The following PFKFB3 variants were observed in gnomAD, a reference collection of about 807,000 sequenced individuals.
PFKFB3 encodes 6-phosphofructo-2-kinase/fructose-2,6-bisphosphatase 3.
In PFKFB3, 33 loss-of-function variants were observed where a neutral mutation model predicts 68.0. That is an observed-to-expected ratio of 0.49 (90% CI 0.37 to 0.65). The LOEUF (loss-of-function observed/expected upper bound fraction) is 0.65, where lower values mean the gene tolerates loss of function less well. Among genes scored for constraint, PFKFB3 ranks in the 30% least tolerant of loss-of-function variants. The pLI is 0.00. For missense variants in PFKFB3, 586 were observed against 712.2 expected, an observed-to-expected ratio of 0.82 and a Z score of 2.02; for synonymous variants, 315 against 288.2, an observed-to-expected ratio of 1.09 and a Z score of -0.94.
intron 1 of PFKFB3, among the ~76,000 whole-genome samples, chr10:6,156,127 A>ATGTGTGTG (rs1358879118): frequency 7.1e-4 from 33 of 46,788 alleles, no homozygotes; most frequent in African/African-American, 1.7e-3. Flanking sequence ...ATGTACATAT[A>ATGTGTGTG]TATGTGTGTG....
At chr10:6,185,328 G>C (rs764330954) in intron 1 of PFKFB3, among the ~76,000 whole-genome samples, 1 of 152,200 alleles carries the variant, frequency 6.6e-6, no homozygotes, top group Non-Finnish European at 1.5e-5. Flanking sequence ...CCACTCATCC[G>C]CTTACTCACA....
At chr10:6,275,809 C>T in the PFKFB3 span, among the ~76,000 whole-genome samples, 2 of 150,148 alleles carry the variant, frequency 1.3e-5, no homozygotes, top group Admixed American at 6.7e-5. The surrounding 1 kb of genome is among the most constrained non-coding windows in gnomAD (Gnocchi z 4.9). Flanking sequence ...GAGAGGATTA[C>T]ATCATCAAGA....
chr10:6,224,912 C>G (rs888667955), intron 13 of PFKFB3, among the ~76,000 whole-genome samples: 1 of 149,594 alleles, frequency 6.7e-6, no homozygotes, highest in African/African-American at 2.5e-5. Context: ...CCGCCATGTG[C>G]TTGTGATTAG....
chr10:6,155,575 C>T (rs533891879), intron 1 of PFKFB3, among the ~76,000 whole-genome samples: 156 of 152,226 alleles, frequency 1.0e-3, no homozygotes, highest in Non-Finnish European at 1.5e-3. Flanking sequence ...GTCCTTCCTC[C>T]GTTTCCATAA....
At chr10:6,151,429 C>T (rs1264924469) in intron 1 of PFKFB3, among the ~76,000 whole-genome samples, 1 of 152,216 alleles carries the variant, frequency 6.6e-6, no homozygotes, top group African/African-American at 2.4e-5. Context: ...CTGTATGCCC[C>T]AGTCCTCGGC....
chr10:6,210,929 T>C lies in PFKFB3; in HGVS notation c.77-2694T>C, dbSNP rs545286923. Among the ~76,000 whole-genome samples, 109 of 56,520 alleles carry C rather than the reference T, an allele frequency of 1.9e-3. 44 individuals are homozygous for C. Among genetic ancestry groups the C allele is most frequent in the East Asian group, 4.9e-3 (12 of 2,458 alleles). 37.1% of individuals were successfully genotyped at this position (56,520 alleles called of 152,430 possible). On this transcript the variant is annotated intron_variant, in intron 1 of 14. Coordinates refer to ENST00000379775, the MANE Select transcript of PFKFB3 (RefSeq NM_004566.4). ...TTCGCCGTGTTAGCCAGGATAGTCT[T>C]GATCTCCTGACCTCATGATCCACCC...
At chr10:6,286,604 C>T in the PFKFB3 span, among the ~76,000 whole-genome samples, 1 of 150,734 alleles carries the variant, frequency 6.6e-6, no homozygotes, top group Non-Finnish European at 1.5e-5. Flanking sequence ...TCTCAAACTT[C>T]TGACCTCACA....
the PFKFB3 span, chr10:6,293,098 T>G: frequency 2.4e-6 from 1 of 410,024 alleles, no homozygotes; most frequent in East Asian, 7.2e-5. Flanking sequence ...TGATGAATTT[T>G]AAACCCTCAG....
At chr10:6,160,297 A>T (rs894237686) in intron 1 of PFKFB3, among the ~76,000 whole-genome samples, 9 of 152,136 alleles carry the variant, frequency 5.9e-5, no homozygotes, top group Non-Finnish European at 1.3e-4. Flanking sequence ...AACAAATACA[A>T]AAGAGGGCCA....
At chr10:6,217,267 A>G (rs1844647250) in intron 6 of PFKFB3, 76 bp downstream of exon 6, 2 of 1,324,740 alleles carry the variant, frequency 1.5e-6, no homozygotes, top group African/African-American at 1.4e-5. Context: ...GAAGTGGGGG[A>G]CCGGGTCCGG....
At chr10:6,326,549 T>A in the PFKFB3 span, 5 of 456,128 alleles carry the variant, frequency 1.1e-5, no homozygotes, top group African/African-American at 6.0e-5. Flanking sequence ...CTTCTAGATA[T>A]GGAGTTACCA....
At chr10:6,257,387 G>C (rs528102488), downstream of PFKFB3, among the ~76,000 whole-genome samples, 2 of 152,276 alleles carry the variant, frequency 1.3e-5, no homozygotes, top group African/African-American at 4.8e-5. Flanking sequence ...AAGCACACGA[G>C]TCATTTATAT....
In PFKFB3 at chr10:6,145,079, G is replaced by C; in HGVS notation, c.16+66G>C. 4 of 1,242,684 alleles carry C rather than the reference G, an allele frequency of 3.2e-6. No homozygotes were observed. The East Asian group carries it at 1.3e-4, about 39-fold the overall frequency. 77.0% of individuals were successfully genotyped at this position (1,242,684 alleles called of 1,614,324 possible). A position where few individuals can be genotyped will look rare whatever the true frequency, so the allele number is the denominator to read the frequency against. ...CGGGGACCTGAGCGGCCGCCTGTGG[G>C]TACCCGAGCCTTGGGTCCTCGCCAG... On this transcript the variant is annotated intron_variant, in intron 1 of 14. Coordinates refer to the PFKFB3 transcript ENST00000379789.
At chr10:6,218,595 A>AT (rs1233625849) in intron 6 of PFKFB3, among the ~76,000 whole-genome samples, 13 of 151,320 alleles carry the variant, frequency 8.6e-5, no homozygotes, top group Non-Finnish European at 5.9e-5. Flanking sequence ...CGCCCAGCTA[A>AT]TTTTTTTTGT....
At chr10:6,203,700 G>A (rs972680550) in intron 1 of PFKFB3, among the ~76,000 whole-genome samples, 1 of 152,006 alleles carries the variant, frequency 6.6e-6, no homozygotes, top group Admixed American at 6.5e-5. Context: ...GGACCCGGCC[G>A]CTCGCGCCTC....
the PFKFB3 span, among the ~76,000 whole-genome samples, chr10:6,315,243 C>T: frequency 6.6e-6 from 1 of 152,122 alleles, no homozygotes; most frequent in Non-Finnish European, 1.5e-5. Context: ...GAGGGGCTGC[C>T]CAGCGGTGAA....
chr10:6,242,670 C>T (rs189870240), intron 14 of PFKFB3, among the ~76,000 whole-genome samples: 1 of 152,194 alleles, frequency 6.6e-6, no homozygotes, highest in East Asian at 1.9e-4. Context: ...TCACTGCAAC[C>T]TCCACCTCCT....
At chr10:6,242,150 C>T (rs961240326) in intron 14 of PFKFB3, among the ~76,000 whole-genome samples, 4 of 152,102 alleles carry the variant, frequency 2.6e-5, no homozygotes, top group East Asian at 1.9e-4. Context: ...GGCCCTTATT[C>T]GTGAGTTTCA....
intron 1 of PFKFB3, among the ~76,000 whole-genome samples, chr10:6,190,082 T>C (rs1052501361): frequency 6.6e-6 from 1 of 152,014 alleles, no homozygotes; most frequent in African/African-American, 2.4e-5. Flanking sequence ...TAGCTGGGAT[T>C]ACAGGCACCC....
Sources: gnomAD v4.1 joint callset for allele counts (sites outside exome capture counted in the v4.1 genomes callset) on GRCh38, gnomAD v4.1.1 for gene constraint, Gnocchi (gnomAD v3.1) non-coding constraint, MANE v1.5 for transcripts, NCBI Gene and HGNC (gene_info 2026-07-23, HGNC 2026-07-21) for gene names.